Variants in HIVEP1 observed in about 807,000 individuals in gnomAD.
HIVEP1 encodes the protein zinc finger protein 40.
HIVEP1 carries 36 observed loss-of-function variants against 180.0 expected under a neutral mutation model. That is an observed-to-expected ratio of 0.20 (90% CI 0.15 to 0.26). HIVEP1 has a LOEUF of 0.26. Among genes scored for constraint, HIVEP1 ranks in the 10% least tolerant of loss-of-function variants. The pLI, the probability that HIVEP1 is intolerant of heterozygous loss-of-function variation, is 1.00. For missense variants in HIVEP1, 3,143 were observed against 3,268.7 expected (o/e 0.96, Z 0.94); for synonymous variants, 1,239 against 1,239.0 (o/e 1.00, Z 0.00).
intron 6 of HIVEP1, among the ~76,000 whole-genome samples, chr6:12,133,110 C>T (rs909705473): frequency 6.6e-6 from 1 of 152,148 alleles, no homozygotes; most frequent in Non-Finnish European, 1.5e-5. Context: ...GCAAAACGCT[C>T]TCAGAAAAAT....
intron 7 of HIVEP1, among the ~76,000 whole-genome samples, chr6:12,150,378 T>G (rs547108169): frequency 6.6e-6 from 1 of 152,256 alleles, no homozygotes; most frequent in Non-Finnish European, 1.5e-5. Flanking sequence ...AGCCGCCAGC[T>G]AGGAGAACCG....
At chr6:12,008,232 T>A (rs1399566947), upstream of HIVEP1, 1 of 152,214 alleles carries the variant, frequency 6.6e-6, no homozygotes, top group Non-Finnish European at 1.5e-5. Context: ...ATGGAAAGCA[T>A]GTTATAGAAT....
At chr6:12,036,062 A>G (rs1769259520) in intron 2 of HIVEP1, among the ~76,000 whole-genome samples, 1 of 152,238 alleles carries the variant, frequency 6.6e-6, no homozygotes, top group South Asian at 2.1e-4. Flanking sequence ...GCTATTTTAA[A>G]GAAATGGCAC....
intron 2 of HIVEP1, among the ~76,000 whole-genome samples, chr6:12,036,970 T>A (rs988159394): frequency 1.2e-4 from 19 of 152,032 alleles, no homozygotes; most frequent in African/African-American, 4.6e-4. Context: ...GGAGGCTGGG[T>A]CTTGGAGAAT....
At chr6:12,106,225 T>C (rs1774424438) in intron 3 of HIVEP1, among the ~76,000 whole-genome samples, 1 of 152,066 alleles carries the variant, frequency 6.6e-6, no homozygotes, top group South Asian at 2.1e-4. Flanking sequence ...ATTTTATTGT[T>C]CAATTTAGAG....
chr6:12,050,721 C>G (rs1472299783), intron 2 of HIVEP1, among the ~76,000 whole-genome samples: 2 of 152,162 alleles, frequency 1.3e-5, no homozygotes, highest in Non-Finnish European at 2.9e-5. Context: ...CCCCTCCAGA[C>G]AGTCTCACTG....
chr6:12,060,443 T>G (rs1029168231), intron 2 of HIVEP1, among the ~76,000 whole-genome samples: 9 of 152,354 alleles, frequency 5.9e-5, no homozygotes, highest in Non-Finnish European at 7.4e-5. Flanking sequence ...AGTTGATGAT[T>G]TGGTTTAAAA....
At chr6:12,061,780 C>T (rs1464887233) in intron 2 of HIVEP1, among the ~76,000 whole-genome samples, 2 of 151,846 alleles carry the variant, frequency 1.3e-5, no homozygotes, top group Non-Finnish European at 1.5e-5. Flanking sequence ...TGGATATTGC[C>T]TTTGTTTAAA....
At chr6:12,097,976 C>G (rs752987792) in intron 3 of HIVEP1, among the ~76,000 whole-genome samples, 1 of 152,084 alleles carries the variant, frequency 6.6e-6, no homozygotes, top group Non-Finnish European at 1.5e-5. Flanking sequence ...AGTAGCTAAC[C>G]TGATTTTAAT....
chr6:12,068,821 A>G (rs773743595), intron 2 of HIVEP1, among the ~76,000 whole-genome samples: 14 of 152,208 alleles, frequency 9.2e-5, no homozygotes, highest in African/African-American at 1.7e-4. Flanking sequence ...TAAATAATAT[A>G]TCTTTAATAT....
intron 3 of HIVEP1, among the ~76,000 whole-genome samples, chr6:12,103,283 A>G (rs74936543): frequency 0.011 from 1,750 of 152,224 alleles, 31 homozygotes; most frequent in African/African-American, 0.04. Flanking sequence ...GTCTACATGC[A>G]TTATCTCAAA....
intron 3 of HIVEP1, among the ~76,000 whole-genome samples, chr6:12,089,784 A>G (rs904813364): frequency 4.6e-5 from 7 of 152,094 alleles, no homozygotes; most frequent in African/African-American, 1.7e-4. Flanking sequence ...ATAACATTGC[A>G]ATGTAGTATG....
chr6:12,152,040 C>T (rs916210865), intron 7 of HIVEP1, among the ~76,000 whole-genome samples: 4 of 152,122 alleles, frequency 2.6e-5, no homozygotes, highest in Admixed American at 1.3e-4. Flanking sequence ...CCTGTAATCC[C>T]AGCTACTCGG....
At chr6:12,051,246 G>A (rs912953807) in intron 2 of HIVEP1, among the ~76,000 whole-genome samples, 2 of 151,588 alleles carry the variant, frequency 1.3e-5, no homozygotes, top group African/African-American at 4.8e-5. Flanking sequence ...TACGGATATA[G>A]GATTAATGTA....
chr6:12,061,626 TA>T (rs1484139869), intron 2 of HIVEP1, among the ~76,000 whole-genome samples: 1 of 152,060 alleles, frequency 6.6e-6, no homozygotes, highest in African/African-American at 2.4e-5. Flanking sequence ...ATTGTTATAG[TA>T]TATTTTATTG....
intron 2 of HIVEP1, among the ~76,000 whole-genome samples, chr6:12,077,157 C>T (rs561244203): frequency 6.6e-6 from 1 of 152,278 alleles, no homozygotes; most frequent in East Asian, 1.9e-4. Context: ...TCAATTATAA[C>T]TGGATTATGT....
the HIVEP1 span, among the ~76,000 whole-genome samples, chr6:12,209,545 G>A: frequency 6.6e-6 from 1 of 152,354 alleles, no homozygotes; most frequent in East Asian, 1.9e-4. Context: ...CATGAAGGCA[G>A]AAATTTTTGT....
chr6:12,158,768 G>A (rs1760216500), intron 7 of HIVEP1, among the ~76,000 whole-genome samples: 1 of 152,114 alleles, frequency 6.6e-6, no homozygotes, highest in Non-Finnish European at 1.5e-5. Context: ...TTTCAGCAGT[G>A]TCCTAAGGAC....
At chr6:12,108,746 C>G (rs1280561075) in intron 3 of HIVEP1, among the ~76,000 whole-genome samples, 7 of 152,130 alleles carry the variant, frequency 4.6e-5, no homozygotes, top group East Asian at 1.9e-4. Flanking sequence ...GCCGCGCGCA[C>G]CCCCGGTTCC....
Sources: allele counts gnomAD v4.1 joint callset (sites outside exome capture counted in the v4.1 genomes callset), GRCh38; gene constraint gnomAD v4.1.1; transcripts MANE v1.5; gene names NCBI Gene and HGNC (gene_info 2026-07-23, HGNC 2026-07-21).